The following JAK1 variants were observed in gnomAD, a reference collection of about 807,000 sequenced individuals.
The protein encoded by JAK1 is tyrosine-protein kinase JAK1.
A neutral mutation model predicts 136.6 loss-of-function variants in JAK1; 16 were observed. The ratio of observed to expected loss-of-function variants is 0.12; its 90% CI spans 0.08 to 0.18. JAK1 has a LOEUF of 0.18. JAK1 is among the 10% of genes least tolerant of loss of function. JAK1 has a pLI of 1.00. For synonymous variants in JAK1, 492 were observed against 519.5 expected (o/e 0.95, Z 0.72); for missense variants, 859 against 1,450.1 (o/e 0.59, Z 6.62).
intron 1 of JAK1, among the ~76,000 whole-genome samples, chr1:64,917,332 T>TA (rs1178563439): frequency 2.6e-5 from 4 of 152,108 alleles, no homozygotes; most frequent in Non-Finnish European, 5.9e-5. Flanking sequence ...AAGATACAGT[T>TA]AGACATCAAA....
chr1:64,951,382 A>G (rs1646084014), intron 1 of JAK1, among the ~76,000 whole-genome samples: 1 of 152,208 alleles, frequency 6.6e-6, no homozygotes, highest in Non-Finnish European at 1.5e-5. Context: ...TATATCAAGC[A>G]TACAGAAAAG....
intron 21 of JAK1, 81 bp downstream of exon 21, chr1:64,838,384 C>G: frequency 7.0e-7 from 1 of 1,433,558 alleles, no homozygotes; most frequent in Admixed American, 2.0e-5. Flanking sequence ...AACTTACCCA[C>G]TTAGAGTCAA....
chr1:64,960,851 CTCT>C (rs747658712), intron 1 of JAK1, among the ~76,000 whole-genome samples: 1 of 152,174 alleles, frequency 6.6e-6, no homozygotes, highest in Non-Finnish European at 1.5e-5. Flanking sequence ...ACAACTTGAC[CTCT>C]TCTTCATGGC....
At chr1:64,950,827 T>A (rs1646072343) in intron 1 of JAK1, among the ~76,000 whole-genome samples, 1 of 152,218 alleles carries the variant, frequency 6.6e-6, no homozygotes, top group Non-Finnish European at 1.5e-5. Flanking sequence ...TATCGCTCAG[T>A]AACAAATCCA....
At chr1:64,838,419 G>C (rs1487728286) in intron 21 of JAK1, 46 bp downstream of exon 21, 1 of 1,599,922 alleles carries the variant, frequency 6.3e-7, no homozygotes, top group Middle Eastern at 1.9e-4. Context: ...ACCCAGGACA[G>C]AGTGCCTGAT....
At chr1:64,872,674 T>G (rs1657141916) in intron 5 of JAK1, among the ~76,000 whole-genome samples, 1 of 152,146 alleles carries the variant, frequency 6.6e-6, no homozygotes, top group Non-Finnish European at 1.5e-5. Context: ...CAATATTTGT[T>G]GAATAAATGA....
At chr1:64,951,191 C>T (rs1428794077) in intron 1 of JAK1, among the ~76,000 whole-genome samples, 1 of 152,194 alleles carries the variant, frequency 6.6e-6, no homozygotes, top group Non-Finnish European at 1.5e-5. Flanking sequence ...GACTGCTTTG[C>T]TTTCTTCCAA....
At chr1:64,925,916 G>A (rs1226715290) in intron 1 of JAK1, among the ~76,000 whole-genome samples, 2 of 152,006 alleles carry the variant, frequency 1.3e-5, no homozygotes, top group Non-Finnish European at 2.9e-5. Context: ...TGGAGGAGTG[G>A]GGTCATAAAG....
intron 2 of JAK1, among the ~76,000 whole-genome samples, chr1:65,026,236 T>C (rs1569902342): frequency 6.6e-6 from 1 of 152,170 alleles, no homozygotes; most frequent in African/African-American, 2.4e-5. Context: ...ATTACCTTAT[T>C]GAGCCCCAAA....
At chr1:64,957,856 ATGG>A in intron 1 of JAK1, among the ~76,000 whole-genome samples, 1 of 152,220 alleles carries the variant, frequency 6.6e-6, no homozygotes, top group Admixed American at 6.5e-5. Flanking sequence ...AGGCAGGAGA[ATGG>A]CGTGAACCCG....
At chr1:64,886,504 C>G (rs1644854252) in intron 1 of JAK1, among the ~76,000 whole-genome samples, 163 bp from the exon 2 acceptor site, 1 of 151,960 alleles carries the variant, frequency 6.6e-6, no homozygotes, top group African/African-American at 2.4e-5. Context: ...TGGCCTAGGA[C>G]ATCGAGAGGA....
chr1:64,940,868 G>C (rs1017003614), intron 1 of JAK1, among the ~76,000 whole-genome samples: 6 of 152,142 alleles, frequency 3.9e-5, no homozygotes, highest in Non-Finnish European at 5.9e-5. Flanking sequence ...CATTAAAGTA[G>C]TTAAAGTTTT....
chr1:64,989,533 T>C (rs1336914269), intron 2 of JAK1: 2 of 152,038 alleles, frequency 1.3e-5, no homozygotes, highest in South Asian at 2.1e-4. Flanking sequence ...CAAATTATTG[T>C]GTAGATCGGT....
At chr1:64,864,105 A>G (rs1656542737) in intron 8 of JAK1, among the ~76,000 whole-genome samples, 1 of 152,222 alleles carries the variant, frequency 6.6e-6, no homozygotes, top group Non-Finnish European at 1.5e-5. Flanking sequence ...ATTGTGACAC[A>G]GTATCTGCCA....
intron 15 of JAK1, among the ~76,000 whole-genome samples, 189 bp downstream of exon 15, chr1:64,845,324 A>C (rs960039524): frequency 6.6e-6 from 1 of 152,156 alleles, no homozygotes; most frequent in African/African-American, 2.4e-5. Context: ...TCATGTGAGC[A>C]CAGGGAACGG....
At chr1:65,018,487 AACACAC>A (rs556710090) in intron 2 of JAK1, among the ~76,000 whole-genome samples, 69 of 96,048 alleles carry the variant, frequency 7.2e-4, no homozygotes, top group East Asian at 1.8e-3. Flanking sequence ...AGAGAGAGAG[AACACAC>A]ACACACACAC....
At chr1:64,867,963 C>G (rs1477308337) in intron 6 of JAK1, among the ~76,000 whole-genome samples, 1 of 151,946 alleles carries the variant, frequency 6.6e-6, no homozygotes, top group Non-Finnish European at 1.5e-5. Flanking sequence ...GTACTTCAGC[C>G]TGGGCAACAA....
intron 2 of JAK1, among the ~76,000 whole-genome samples, chr1:65,019,616 G>GCTATGT (rs1309883645): frequency 6.6e-6 from 1 of 152,120 alleles, no homozygotes; most frequent in Non-Finnish European, 1.5e-5. Flanking sequence ...TAGCGAAGTT[G>GCTATGT]CTATGTCAGA....
intron 1 of JAK1, among the ~76,000 whole-genome samples, chr1:64,957,179 A>C (rs11208556): frequency 0.52 from 79,441 of 151,998 alleles, 25,207 homozygotes; most frequent in Non-Finnish European, 0.72. Flanking sequence ...CAGCAGAATG[A>C]AGGGAAAGAG....
Sources: allele counts gnomAD v4.1 joint callset (sites outside exome capture counted in the v4.1 genomes callset), GRCh38; gene constraint gnomAD v4.1.1; transcripts MANE v1.5; gene names NCBI Gene and HGNC (gene_info 2026-07-23, HGNC 2026-07-21).